AKR1C3: variants seen among roughly 807,000 people sequenced by gnomAD.
AKR1C3 encodes 3-alpha hydroxysteroid dehydrogenase, type II.
AKR1C3 carries 48 observed loss-of-function variants against 43.6 expected under a neutral mutation model. That is an observed-to-expected ratio of 1.10 (90% confidence interval 0.87 to 1.40). The LOEUF is 1.40. Among genes scored for constraint, AKR1C3 ranks in the 40% most tolerant of loss-of-function variants. The pLI is 0.00. For synonymous variants in AKR1C3, 162 were observed against 139.6 expected, an observed-to-expected ratio of 1.16 and a Z score of -1.13; for missense variants, 482 against 391.2, an observed-to-expected ratio of 1.23 and a Z score of -1.96.
chr10:5,066,974 G>A (rs1838518137), intron 1 of AKR1C3, among the ~76,000 whole-genome samples: 1 of 152,214 alleles, frequency 6.6e-6, no homozygotes, highest in South Asian at 2.1e-4. Flanking sequence ...TTCTAAAAGA[G>A]TGAAGGCCTC....
chr10:5,077,219 C>G (rs1374450791), intron 1 of AKR1C3, among the ~76,000 whole-genome samples: 2 of 152,000 alleles, frequency 1.3e-5, no homozygotes, highest in African/African-American at 4.8e-5. Flanking sequence ...ATCACTTGAC[C>G]AAAGGGGCCC....
At chr10:5,083,542 G>A (rs1240287461) in intron 1 of AKR1C3, among the ~76,000 whole-genome samples, 2 of 149,546 alleles carry the variant, frequency 1.3e-5, no homozygotes, top group African/African-American at 2.6e-5. Context: ...AAACATACGT[G>A]TGCATGTGTC....
chr10:5,058,090 G>A (rs1838301991), intron 1 of AKR1C3, among the ~76,000 whole-genome samples: 1 of 152,142 alleles, frequency 6.6e-6, no homozygotes, highest in East Asian at 1.9e-4. Flanking sequence ...GGGGTTTTGT[G>A]GTCCTTTGGA....
At chr10:5,075,216 C>G (rs898090870) in intron 1 of AKR1C3, among the ~76,000 whole-genome samples, 2 of 151,718 alleles carry the variant, frequency 1.3e-5, no homozygotes, top group Admixed American at 1.3e-4. Flanking sequence ...TTTTTATAAA[C>G]TTAGATGGTT....
intron 1 of AKR1C3, among the ~76,000 whole-genome samples, chr10:5,082,643 A>G (rs533862102): frequency 6.6e-6 from 1 of 152,242 alleles, no homozygotes; most frequent in South Asian, 2.1e-4. Context: ...CTGGAATGAA[A>G]TCCATTTGGT....
intron 1 of AKR1C3, among the ~76,000 whole-genome samples, chr10:5,050,005 G>A (rs1838120097): frequency 6.7e-6 from 1 of 150,104 alleles, no homozygotes; most frequent in South Asian, 2.2e-4. Context: ...GACACACTGT[G>A]GATACTGCCC....
At chr10:5,060,642 T>C (rs1588333215) in intron 1 of AKR1C3, among the ~76,000 whole-genome samples, 1 of 129,794 alleles carries the variant, frequency 7.7e-6, no homozygotes, top group Admixed American at 9.6e-5. Context: ...GATCCCACAC[T>C]GGGGCTGCAG....
At chr10:5,106,824 G>T (rs587731350) in intron 8 of AKR1C3, among the ~76,000 whole-genome samples, 1 of 152,076 alleles carries the variant, frequency 6.6e-6, no homozygotes, top group Non-Finnish European at 1.5e-5. Flanking sequence ...GTGAGATAGT[G>T]TGTGAAAAAG....
In AKR1C3 at chr10:5,102,560, A is replaced by G; in HGVS notation, c.756A>G (p.Pro252=). 6.4e-7 allele frequency: 1 copy of G among 1,569,522 alleles called. No homozygotes were observed. Among genetic ancestry groups the G allele is most frequent in the Non-Finnish European group, 8.7e-7 (1 of 1,155,030 alleles). Residue 252 remains proline (P), a synonymous_variant, in exon 7 of 9, where the codon CCA becomes CCG. Coordinates refer to ENST00000380554, the MANE Select transcript of AKR1C3 (RefSeq NM_003739.6). ...TGGCAAAAAAGCACAAGCGAACCCC[A>G]GCCCTGATTGCCCTGCGCTACCAGC... ...CALAKKHKRT[P]ALIALRYQLQ...
At chr10:5,103,845 C>G (rs1413488322) in intron 7 of AKR1C3, among the ~76,000 whole-genome samples, 1 of 152,068 alleles carries the variant, frequency 6.6e-6, no homozygotes, top group East Asian at 1.9e-4. Context: ...TATAACCAAG[C>G]AAGTGGATAC....
At position 5,100,242 on chromosome 10, in the gene AKR1C3, CGA is replaced by C. The variant is rs782687433; in HGVS notation, c.570+795_570+796del. Among the ~76,000 whole-genome samples, 5 of 152,046 alleles carry C rather than the reference CGA, an allele frequency of 3.3e-5. No homozygotes were observed. In the South Asian group the frequency reaches 1.0e-3, roughly 32 times the overall value. The stretch of plus-strand genomic sequence containing the variant: ...CCAGGAGGCAGAGATTGCGGTGAGC[CGA>C]GGTCACGCCATTGCACTCCAGCCTG... On this transcript the variant is annotated intron_variant, in intron 5 of 8. Coordinates refer to ENST00000380554, the MANE Select transcript of AKR1C3 (RefSeq NM_003739.6).
rs535463970 is a variant in AKR1C3, at chr10:5,059,810, C to T, written c.84+10915C>T. ...CCTCGGCGATAGTCTCACCCCTTGG[C>T]AATAGGTGATGGTCCCTTCGTGGTC... On this transcript the variant is annotated intron_variant, in intron 1 of 8. Coordinates refer to the AKR1C3 transcript ENST00000439082. Among the ~76,000 whole-genome samples, 221 of 152,286 alleles carry T rather than the reference C, an allele frequency of 1.5e-3. 11 individuals carry two copies. The South Asian group carries it at 0.045, about 31-fold the overall frequency.
intron 1 of AKR1C3, among the ~76,000 whole-genome samples, chr10:5,071,999 C>T (rs1298213131): frequency 1.3e-5 from 2 of 152,206 alleles, no homozygotes; most frequent in African/African-American, 2.4e-5. Context: ...AACCTGTCCT[C>T]ACCATGTTAA....
intron 1 of AKR1C3, among the ~76,000 whole-genome samples, chr10:5,080,186 C>CTTG (rs74652194): frequency 1.3e-5 from 2 of 151,886 alleles, no homozygotes; most frequent in African/African-American, 4.8e-5. Flanking sequence ...GTAAGAACAT[C>CTTG]TTAAGATGTG....
chr10:5,066,519 A>C (rs1554780814), intron 1 of AKR1C3, among the ~76,000 whole-genome samples: 1 of 152,118 alleles, frequency 6.6e-6, no homozygotes. Context: ...CATCCTAGTG[A>C]TGGTTGCATA....
rs966884767 is a variant in AKR1C3, at chr10:5,088,048, C to A, written c.85-8362C>A. On this transcript the variant is annotated intron_variant, in intron 1 of 8. Transcript: ENST00000439082. Reference sequence around the variant, plus strand: ...TCTATTTTCATTCATTTCAAAAAATCTGTTGAATTCTGAATTTCATTCTTT... The same window carrying A: ...TCTATTTTCATTCATTTCAAAAAATATGTTGAATTCTGAATTTCATTCTTT... Among the ~76,000 whole-genome samples, 4 of 152,098 alleles carry A rather than the reference C, an allele frequency of 2.6e-5. No individual in the cohort carries two copies. The South Asian group carries it at 8.3e-4, about 32-fold the overall frequency.
chr10:5,057,606 G>A (rs1054089374), intron 1 of AKR1C3, among the ~76,000 whole-genome samples: 4 of 152,178 alleles, frequency 2.6e-5, no homozygotes, highest in African/African-American at 9.7e-5. Flanking sequence ...AGTCATGGTG[G>A]ACATCATTGA....
intron 1 of AKR1C3, among the ~76,000 whole-genome samples, chr10:5,068,226 C>T (rs1352656464): frequency 1.3e-5 from 2 of 151,856 alleles, no homozygotes; most frequent in Non-Finnish European, 2.9e-5. Context: ...TTAGAAATTC[C>T]ATATAATCTT....
chr10:5,101,450 A>G (rs1839348721), intron 5 of AKR1C3, among the ~76,000 whole-genome samples: 1 of 140,658 alleles, frequency 7.1e-6, no homozygotes, highest in South Asian at 2.7e-4. Context: ...TGAAGAACAA[A>G]TATTCCTCAA....
Sources: gnomAD v4.1 joint callset for allele counts (sites outside exome capture counted in the v4.1 genomes callset) on GRCh38, gnomAD v4.1.1 for gene constraint, MANE v1.5 for transcripts, NCBI Gene and HGNC (gene_info 2026-07-23, HGNC 2026-07-21) for gene names.